The following SMYD3 variants were observed in gnomAD, a reference collection of about 807,000 sequenced individuals.
SMYD3 encodes histone-lysine N-methyltransferase SMYD3.
Under a neutral mutation model 57.7 loss-of-function variants are expected in SMYD3, and 36 were observed. That is an observed-to-expected ratio of 0.62 (90% CI 0.48 to 0.82). The LOEUF is 0.82. Ranked by LOEUF, SMYD3 falls within the 40% of genes least tolerant of loss-of-function variation. The pLI is 0.00. For synonymous variants in SMYD3, 211 were observed against 195.0 expected (o/e 1.08, Z -0.68); for missense variants, 515 against 538.8 (o/e 0.96, Z 0.44).
intron 1 of SMYD3, among the ~76,000 whole-genome samples, chr1:246,466,182 A>C (rs1389533206): frequency 6.6e-6 from 1 of 152,236 alleles, no homozygotes; most frequent in African/African-American, 2.4e-5. Flanking sequence ...CAATCCCATT[A>C]CTTGGTATAT....
intron 5 of SMYD3, among the ~76,000 whole-genome samples, chr1:246,323,213 A>T (rs1158488457): frequency 1.3e-5 from 2 of 152,210 alleles, no homozygotes; most frequent in South Asian, 4.1e-4. Flanking sequence ...TGGACAGGAT[A>T]TATCTATATA....
chr1:246,307,625 T>C lies in SMYD3; in HGVS notation c.531+19576A>G, dbSNP rs964097847. Among the ~76,000 whole-genome samples the C allele has an allele frequency of 4.6e-5, 7 of 152,066 alleles. No individual in the cohort carries two copies. The East Asian group carries it at 1.4e-3, about 29-fold the overall frequency. ...TAGTAGAGACGGGGTTTCACCGTTT[T>C]AGCCGGGATGGTCTCGATCTCCTGA... On this transcript the variant is annotated intron_variant, in intron 5 of 11. Coordinates refer to ENST00000490107, the MANE Select transcript of SMYD3 (RefSeq NM_001167740.2).
rs181589374 is a variant in SMYD3, at chr1:246,125,738, C to T, written c.532-195801G>A. ...GGCAAAAACAAGAGGGATGTGATGA[C>T]GATCAGAAGTGGTGAGAGGGATCCT... On this transcript the variant is annotated intron_variant, in intron 5 of 11. Coordinates refer to ENST00000490107, the MANE Select transcript of SMYD3 (RefSeq NM_001167740.2). 7.7e-4 allele frequency among the ~76,000 whole-genome samples: 117 copies of T among 151,996 alleles called. 2 individuals carry two copies. The East Asian group carries it at 0.013, about 16-fold the overall frequency.
intron 1 of SMYD3, among the ~76,000 whole-genome samples, chr1:246,427,317 G>A (rs982537692): frequency 1.5e-4 from 22 of 151,394 alleles, no homozygotes; most frequent in African/African-American, 4.4e-4. Flanking sequence ...TCAGGAGATC[G>A]AGACCATCCC....
At chr1:246,411,560 G>A (rs1393422553) in intron 1 of SMYD3, among the ~76,000 whole-genome samples, 3 of 152,086 alleles carry the variant, frequency 2.0e-5, no homozygotes, top group Non-Finnish European at 4.4e-5. Context: ...CAATAGCAAA[G>A]ACTTGGAACG....
chr1:245,970,815 G>A (rs1191331652), intron 5 of SMYD3, among the ~76,000 whole-genome samples: 1 of 152,188 alleles, frequency 6.6e-6, no homozygotes, highest in East Asian at 1.9e-4. Flanking sequence ...TGGAGAGGAT[G>A]TGGAAAAATA....
chr1:246,127,193 T>C lies in SMYD3; in HGVS notation c.532-197256A>G, dbSNP rs987638910. Among the ~76,000 whole-genome samples, 14 of 152,192 alleles carry C rather than the reference T, an allele frequency of 9.2e-5. No homozygotes were observed. The East Asian group carries it at 2.5e-3, about 27-fold the overall frequency. ...ATATAGAACTCTGAAAGGGCAGCTT[T>C]TCCTGTTCTTTGAGGATGCTTGGTT... On this transcript the variant is annotated intron_variant, in intron 5 of 11. Transcript: ENST00000490107.
intron 5 of SMYD3, among the ~76,000 whole-genome samples, chr1:245,980,575 A>G (rs74849760): frequency 0.033 from 4,977 of 152,318 alleles, 271 homozygotes; most frequent in African/African-American, 0.11. Context: ...CACACACATG[A>G]CATGTAGAAC....
chr1:246,505,545 T>C (rs2068524469), intron 1 of SMYD3, among the ~76,000 whole-genome samples: 1 of 142,780 alleles, frequency 7.0e-6, no homozygotes, highest in African/African-American at 2.7e-5. Context: ...CAGCCCCAGC[T>C]ACTTTTGCAG....
chr1:246,232,011 C>T (rs1203759136), intron 5 of SMYD3, among the ~76,000 whole-genome samples: 1 of 152,242 alleles, frequency 6.6e-6, no homozygotes, highest in South Asian at 2.1e-4. Flanking sequence ...CCAGGAGAAG[C>T]GCAGCATTTA....
intron 10 of SMYD3, among the ~76,000 whole-genome samples, chr1:245,843,232 C>A (rs547873947): frequency 6.6e-6 from 1 of 152,046 alleles, no homozygotes; most frequent in Non-Finnish European, 1.5e-5. Context: ...CACACACTTA[C>A]GAGCCCACTG....
chr1:245,874,584 C>T (rs1448729875), intron 8 of SMYD3, among the ~76,000 whole-genome samples: 3 of 152,180 alleles, frequency 2.0e-5, no homozygotes, highest in East Asian at 1.9e-4. Context: ...GAAATTATCC[C>T]GTTCTACAAA....
intron 10 of SMYD3, among the ~76,000 whole-genome samples, chr1:245,817,513 G>A (rs1462172755): frequency 6.6e-6 from 1 of 152,130 alleles, no homozygotes. Flanking sequence ...AAGGAACGCA[G>A]TTCCTCACCA....
intron 10 of SMYD3, among the ~76,000 whole-genome samples, chr1:245,843,973 A>G (rs1381433620): frequency 2.6e-5 from 4 of 152,210 alleles, no homozygotes; most frequent in African/African-American, 9.6e-5. Context: ...AACACTTCCA[A>G]CGATGGAGTG....
intron 1 of SMYD3, among the ~76,000 whole-genome samples, chr1:246,505,284 T>A (rs2068519134): frequency 7.8e-6 from 1 of 127,416 alleles, no homozygotes; most frequent in South Asian, 2.3e-4. Flanking sequence ...CTAAATACCG[T>A]CTCAACCTCC....
intron 8 of SMYD3, among the ~76,000 whole-genome samples, chr1:245,914,393 T>C (rs2055244395): frequency 6.6e-6 from 1 of 152,008 alleles, no homozygotes; most frequent in South Asian, 2.1e-4. Flanking sequence ...AATGGAAAAA[T>C]GGATAAAGAA....
intron 5 of SMYD3, among the ~76,000 whole-genome samples, chr1:246,308,284 T>C (rs58286447): frequency 0.024 from 3,729 of 152,330 alleles, 158 homozygotes; most frequent in African/African-American, 0.085. Flanking sequence ...ATAGAGTCAG[T>C]ACAAATTTGT....
chr1:246,040,711 G>C (rs1057391390), intron 5 of SMYD3, among the ~76,000 whole-genome samples: 1 of 152,158 alleles, frequency 6.6e-6, no homozygotes, highest in African/African-American at 2.4e-5. Flanking sequence ...TGCTGAGGTG[G>C]TAAAATATTC....
At chr1:246,352,624 C>T (rs1290353383) in intron 2 of SMYD3, among the ~76,000 whole-genome samples, 1 of 152,154 alleles carries the variant, frequency 6.6e-6, no homozygotes, top group Non-Finnish European at 1.5e-5. Context: ...TTCCTGTTAC[C>T]TTCCACAGTA....
Sources: gnomAD v4.1 joint callset for allele counts (sites outside exome capture counted in the v4.1 genomes callset) on GRCh38, gnomAD v4.1.1 for gene constraint, MANE v1.5 for transcripts, NCBI Gene and HGNC (gene_info 2026-07-23, HGNC 2026-07-21) for gene names.